The following CENPC variants were observed in gnomAD, a reference collection of about 807,000 sequenced individuals.
CENPC encodes the protein CENP-C 1.
In CENPC, 63 loss-of-function variants were observed where a neutral mutation model predicts 112.1. The ratio of observed to expected loss-of-function variants is 0.56; its 90% confidence interval spans 0.46 to 0.69. The LOEUF (loss-of-function observed/expected upper bound fraction) is 0.69, where lower values mean the gene tolerates loss of function less well. Among genes scored for constraint, CENPC ranks in the 30% least tolerant of loss-of-function variants. CENPC has a pLI of 0.00. For synonymous variants in CENPC, 333 were observed against 367.6 expected (o/e 0.91, Z 1.08); for missense variants, 1,000 against 1,103.8 (o/e 0.91, Z 1.33).
In CENPC at chr4:67,492,964, T is replaced by C. The variant is rs1294257672; in HGVS notation, c.2324A>G (p.Asp775Gly). 1.3e-6 allele frequency: 2 copies of C among 1,548,970 alleles called. No homozygotes were observed. The highest frequency in any genetic ancestry group is 2.4e-5 in the East Asian group (1 of 41,904). The part of the protein sequence containing the change: ...GFVISGVLSP[D>G]TISSKRKAKE... ...TGCCTTCCTTTTAGACGATATTGTG[T>C]CTGGAGATAGTACTCCACTAATCAC... is the stretch of plus-strand genomic sequence containing the variant. The change falls in exon 15 of 19, where the codon GAC becomes GGC. Residue 775 changes from aspartate (D) to glycine (G), a missense_variant. Coordinates refer to ENST00000273853, the MANE Select transcript of CENPC (RefSeq NM_001812.4).
chr4:67,496,632 GATC>G (rs1485635262), intron 12 of CENPC, among the ~76,000 whole-genome samples: 1 of 152,164 alleles, frequency 6.6e-6, no homozygotes, highest in Non-Finnish European at 1.5e-5. Context: ...AAACTTCAGT[GATC>G]ATAACATCTA....
chr4:67,536,068 T>C lies in CENPC; in HGVS notation c.231+3772A>G, dbSNP rs549387272. Among the ~76,000 whole-genome samples, 3 of 152,140 alleles carry C rather than the reference T, an allele frequency of 2.0e-5. No homozygotes were observed. In the East Asian group the frequency reaches 5.8e-4, roughly 29 times the overall value. Reference sequence around the variant, plus strand: ...TAAAAAGATAGGGAAGAGAATAAAATAGTGAACCAGAATAGACTGCTGATT... The same window carrying C: ...TAAAAAGATAGGGAAGAGAATAAAACAGTGAACCAGAATAGACTGCTGATT... On this transcript the variant is annotated intron_variant, in intron 4 of 18. Transcript: ENST00000273853.
At chr4:67,522,931 C>T (rs1726268907) in intron 5 of CENPC, among the ~76,000 whole-genome samples, 2 of 151,552 alleles carry the variant, frequency 1.3e-5, no homozygotes, top group East Asian at 1.9e-4. Context: ...ACTCAGGAGG[C>T]GGAGGTTGCA....
chr4:67,542,135 C>T (rs575406023), intron 2 of CENPC, among the ~76,000 whole-genome samples: 1 of 152,160 alleles, frequency 6.6e-6, no homozygotes, highest in African/African-American at 2.4e-5. Context: ...TGACATGCAT[C>T]TCTAACAGAG....
At chr4:67,530,081 G>A (rs1022412979) in intron 5 of CENPC, among the ~76,000 whole-genome samples, 1 of 151,840 alleles carries the variant, frequency 6.6e-6, no homozygotes, top group Non-Finnish European at 1.5e-5. Flanking sequence ...CATTCCAGAT[G>A]GTTAAAGACT....
rs1437871362 is a variant in CENPC, at chr4:67,495,195, T to C, written c.2149A>G (p.Lys717Glu). The change falls in exon 13 of 19, where the codon AAA (lysine) becomes GAA (glutamate). Residue 717 changes from lysine to glutamate, a missense_variant. Transcript: ENST00000273853. ...HGSSDDSKQS[K>E]VIPKNRIHHK... is the part of the protein sequence containing the mutation. ...TGGATTCTGTTCTTTGGTATCACTT[T>C]AGATTGTTTTGAGTCATCTACAAAA... 4.6e-6 allele frequency: 7 copies of C among 1,532,812 alleles called. 1 individual carries two copies. The highest frequency in any genetic ancestry group is 4.3e-5 in the Admixed American group (2 of 46,538). 95.0% of individuals were successfully genotyped at this position (1,532,812 alleles called of 1,614,324 possible). A position where few individuals can be genotyped will look rare whatever the true frequency, so the allele number is the denominator to read the frequency against.
Position 67,469,448 on chromosome 4 carries a change from G to GCAATT in CENPC, c.*3152_*3156dup, listed in dbSNP as rs1317501321. ...TGCAACCATCATCTCCCAGGTTCAA[G>GCAATT]CAATTCTCCTGCCTCAGCCTCTGAG... On this transcript the variant is annotated 3_prime_UTR_variant, in exon 19 of 19. Transcript: ENST00000273853. 1 of 152,264 alleles carries GCAATT rather than the reference G, an allele frequency of 6.6e-6. No homozygotes were observed. Among genetic ancestry groups the GCAATT allele is most frequent in the Non-Finnish European group, 1.5e-5 (1 of 68,112 alleles). The allele number at this position is 152,264 out of a possible 1,614,324, so 9.4% of individuals were successfully genotyped here.
At chr4:67,544,507 T>C (rs868545551) in intron 1 of CENPC, among the ~76,000 whole-genome samples, 7 of 152,338 alleles carry the variant, frequency 4.6e-5, no homozygotes, top group African/African-American at 1.7e-4. Flanking sequence ...TATTATTCTT[T>C]CATACAACTC....
At chr4:67,508,725 T>C (rs1457984816) in intron 10 of CENPC, 89 bp downstream of exon 10, 2 of 1,219,480 alleles carry the variant, frequency 1.6e-6, no homozygotes, top group Non-Finnish European at 2.3e-6. Context: ...TTCATGCTAA[T>C]TACTGCCTGT....
At chr4:67,501,349 G>A (rs1433827205) in intron 12 of CENPC, among the ~76,000 whole-genome samples, 2 of 152,016 alleles carry the variant, frequency 1.3e-5, no homozygotes, top group Admixed American at 1.3e-4. Context: ...CATGTAGATG[G>A]GTGAACGTTG....
Position 67,494,069 on chromosome 4 carries a change from C to T in CENPC, c.2186-81G>A, listed in dbSNP as rs1019720843. On this transcript the variant is annotated intron_variant, in intron 13 of 18. Transcript: ENST00000273853. ...GCAGTGGAAAGACTGTCTTTTAGAA[C>T]ATGAAAGCTTTATTTTTTAGAACAT... The T allele has an allele frequency of 7.8e-6, 5 of 641,574 alleles. No homozygotes were observed. In the African/African-American group the frequency reaches 9.4e-5, roughly 12 times the overall value. 39.7% of individuals were successfully genotyped at this position (641,574 alleles called of 1,614,324 possible). A position where few individuals can be genotyped will look rare whatever the true frequency, so the allele number is the denominator to read the frequency against.
At chr4:67,487,890 C>T (rs2109771728) in intron 17 of CENPC, among the ~76,000 whole-genome samples, 1 of 151,640 alleles carries the variant, frequency 6.6e-6, no homozygotes. Flanking sequence ...TATGCTGGTT[C>T]TCCATCTTGT....
At chr4:67,477,362 C>A (rs1163909535) in intron 17 of CENPC, among the ~76,000 whole-genome samples, 1 of 152,208 alleles carries the variant, frequency 6.6e-6, no homozygotes, top group Non-Finnish European at 1.5e-5. Flanking sequence ...GACCTGAAGA[C>A]AGATCATATC....
chr4:67,491,773 G>GT (rs1183111657), intron 16 of CENPC, among the ~76,000 whole-genome samples: 3 of 152,066 alleles, frequency 2.0e-5, no homozygotes, highest in Admixed American at 2.0e-4. Context: ...AGGCCCAGAA[G>GT]TTTGTCTGTG....
At chr4:67,490,205 G>C (rs1177756104) in intron 16 of CENPC, 84 bp from the exon 17 acceptor site, 9 of 894,434 alleles carry the variant, frequency 1.0e-5, no homozygotes, top group African/African-American at 1.7e-5. Context: ...ATAATAAAGA[G>C]TCATTTCTGG....
In CENPC at chr4:67,491,446, C is replaced by CATATAT. The variant is rs58687245; in HGVS notation, c.2515+728_2515+733dup. 4.9e-3 allele frequency among the ~76,000 whole-genome samples: 180 copies of CATATAT among 36,570 alleles called. 9 individuals are homozygous for CATATAT. Among genetic ancestry groups the CATATAT allele is most frequent in the South Asian group, 0.01 (6 of 582 alleles). 24.0% of individuals were successfully genotyped at this position (36,570 alleles called of 152,430 possible). A position where few individuals can be genotyped will look rare whatever the true frequency, so the allele number is the denominator to read the frequency against. The stretch of plus-strand genomic sequence containing the variant: ...CAGTTGTTAATATATTTAAATATTT[C>CATATAT]ATATATATATATATATATATATATA... On this transcript the variant is annotated intron_variant, in intron 16 of 18. Transcript: ENST00000273853.
chr4:67,528,774 C>T (rs987745096), intron 5 of CENPC, among the ~76,000 whole-genome samples: 1 of 152,062 alleles, frequency 6.6e-6, no homozygotes. Context: ...AATACTGCTA[C>T]GAATATTAGT....
intron 17 of CENPC, among the ~76,000 whole-genome samples, chr4:67,481,275 A>G (rs7665434): frequency 0.63 from 95,143 of 151,988 alleles, 30,015 homozygotes; most frequent in East Asian, 0.81. Context: ...AAATGAAAAC[A>G]CATCCCATGC....
At chr4:67,510,644 G>T (rs1725867925) in intron 9 of CENPC, 1 of 195,070 alleles carries the variant, frequency 5.1e-6, no homozygotes, top group Non-Finnish European at 1.1e-5. Context: ...GTGTCTCATT[G>T]TCTTACCCTA....
Sources: allele counts gnomAD v4.1 joint callset (sites outside exome capture counted in the v4.1 genomes callset), GRCh38; gene constraint gnomAD v4.1.1; transcripts MANE v1.5; gene names NCBI Gene and HGNC (gene_info 2026-07-23, HGNC 2026-07-21).